COG5: variants seen among roughly 807,000 people sequenced by gnomAD.
COG5 encodes conserved oligomeric Golgi complex subunit 5.
Under a neutral mutation model 110.4 loss-of-function variants are expected in COG5, and 86 were observed. The observed-to-expected ratio is 0.78, with a 90% confidence interval of 0.65 to 0.93. The LOEUF is 0.93. COG5 is among the 40% of genes least tolerant of loss of function. COG5 has a pLI of 0.00. For synonymous variants in COG5, 360 were observed against 334.6 expected (o/e 1.08, Z -0.83); for missense variants, 1,077 against 987.0 (o/e 1.09, Z -1.22).
chr7:107,319,451 C>A (rs1809052508), intron 11 of COG5, among the ~76,000 whole-genome samples: 2 of 152,168 alleles, frequency 1.3e-5, no homozygotes, highest in African/African-American at 4.8e-5. Flanking sequence ...GAATGGCAGA[C>A]TATATATTGA....
intron 20 of COG5, 100 bp downstream of exon 20, chr7:107,210,999 G>C (rs1322379236): frequency 1.5e-6 from 2 of 1,363,600 alleles, no homozygotes; most frequent in Admixed American, 3.4e-5. Flanking sequence ...ACTAAACAAA[G>C]CAGCAGAGGG....
intron 12 of COG5, among the ~76,000 whole-genome samples, chr7:107,289,321 A>G (rs1459252060): frequency 1.3e-5 from 2 of 152,064 alleles, no homozygotes; most frequent in Non-Finnish European, 2.9e-5. Flanking sequence ...ACAACTCACC[A>G]TAGATTTACA....
intron 16 of COG5, among the ~76,000 whole-genome samples, chr7:107,250,870 C>A (rs1430802109): frequency 6.6e-6 from 1 of 151,632 alleles, no homozygotes; most frequent in East Asian, 1.9e-4. Flanking sequence ...AATAATTAAA[C>A]CTAAGAAAAA....
intron 18 of COG5, among the ~76,000 whole-genome samples, chr7:107,231,008 G>A (rs1800739168): frequency 6.6e-6 from 1 of 152,126 alleles, no homozygotes; most frequent in East Asian, 1.9e-4. Context: ...AAGACTGCAT[G>A]CCTATACTTT....
At chr7:107,523,151 T>C (rs538237615) in intron 6 of COG5, among the ~76,000 whole-genome samples, 3 of 152,308 alleles carry the variant, frequency 2.0e-5, no homozygotes, top group African/African-American at 4.8e-5. Context: ...ATGAACAACA[T>C]TGACTGATTG....
chr7:107,503,855 T>C (rs1214196537), intron 6 of COG5, among the ~76,000 whole-genome samples: 1 of 152,210 alleles, frequency 6.6e-6, no homozygotes, highest in Non-Finnish European at 1.5e-5. Context: ...AACCTGAGAC[T>C]TTACTTGTTT....
intron 10 of COG5, among the ~76,000 whole-genome samples, chr7:107,342,745 G>A (rs1811275518): frequency 6.6e-6 from 1 of 152,020 alleles, no homozygotes; most frequent in South Asian, 2.1e-4. Context: ...GCAGAGAAAA[G>A]GGAATGTTTA....
intron 19 of COG5, among the ~76,000 whole-genome samples, chr7:107,219,927 A>G (rs920282024): frequency 1.3e-5 from 2 of 152,236 alleles, no homozygotes; most frequent in African/African-American, 2.4e-5. Flanking sequence ...TTTGTACCCC[A>G]TAAGTGTATA....
chr7:107,455,119 G>C (rs571859451), intron 6 of COG5, among the ~76,000 whole-genome samples: 1 of 152,178 alleles, frequency 6.6e-6, no homozygotes, highest in East Asian at 1.9e-4. Flanking sequence ...ATAAGCTGTC[G>C]TGGTGGATGG....
At chr7:107,266,785 A>G (rs1045100741) in intron 14 of COG5, among the ~76,000 whole-genome samples, 1 of 152,144 alleles carries the variant, frequency 6.6e-6, no homozygotes, top group Non-Finnish European at 1.5e-5. Flanking sequence ...TGTGTGCTTT[A>G]GTATATGGAC....
chr7:107,502,446 T>C (rs1474116199), intron 6 of COG5, among the ~76,000 whole-genome samples: 2 of 152,164 alleles, frequency 1.3e-5, no homozygotes, highest in Admixed American at 6.6e-5. Flanking sequence ...GTGGGTTCCA[T>C]ATCTTTGAAA....
chr7:107,562,634 A>C (rs1348355107), intron 1 of COG5, among the ~76,000 whole-genome samples: 1 of 152,212 alleles, frequency 6.6e-6, no homozygotes, highest in Non-Finnish European at 1.5e-5. Flanking sequence ...TCTAAAGTTT[A>C]AATTCAGTTT....
At chr7:107,337,305 T>C (rs771578821) in intron 10 of COG5, among the ~76,000 whole-genome samples, 1 of 152,228 alleles carries the variant, frequency 6.6e-6, no homozygotes, top group Non-Finnish European at 1.5e-5. Flanking sequence ...TGGGTATTTA[T>C]CTAAAGAAAA....
intron 5 of COG5, among the ~76,000 whole-genome samples, chr7:107,532,081 G>A (rs2520259): frequency 0.41 from 62,294 of 151,832 alleles, 13,232 homozygotes; most frequent in Non-Finnish European, 0.47. Flanking sequence ...TTTTTGAGAC[G>A]GTTTCGCTTT....
In COG5 at chr7:107,362,074, C is replaced by T. The variant is rs1049647952; in HGVS notation, c.985G>A (p.Asp329Asn). The T allele has an allele frequency of 6.2e-7, 1 of 1,609,356 alleles. No individual in the cohort carries two copies. The highest frequency in any genetic ancestry group is 1.1e-5 in the South Asian group (1 of 90,566). The change falls in exon 10 of 22, where the codon GAT becomes AAT. Residue 329 changes from aspartate to asparagine, a missense_variant. Physicochemically the swap from Asp to Asn is conservative, Grantham distance 23 (BLOSUM62 1). Coordinates refer to ENST00000297135, the MANE Select transcript of COG5 (RefSeq NM_006348.5). ...ATGAAACAAATGTGAGAAACAGGATCTCTCTTCTTGGCCAATACTTTTTGT... is the reference window on the plus strand; with the variant it reads ...ATGAAACAAATGTGAGAAACAGGATTTCTCTTCTTGGCCAATACTTTTTGT... ...HLQKVLAKKR[D>N]PVSHICFIEE... is the part of the protein sequence containing the mutation.
chr7:107,264,507 C>T (rs1225155612), intron 14 of COG5, among the ~76,000 whole-genome samples: 3 of 152,010 alleles, frequency 2.0e-5, no homozygotes, highest in Non-Finnish European at 4.4e-5. Flanking sequence ...GCCTGGGTAA[C>T]ATGGCAAAAC....
At chr7:107,309,717 T>C (rs1808047255) in intron 11 of COG5, among the ~76,000 whole-genome samples, 1 of 152,228 alleles carries the variant, frequency 6.6e-6, no homozygotes, top group Non-Finnish European at 1.5e-5. Flanking sequence ...GTCACACATC[T>C]ACATTCACTT....
At chr7:107,238,404 G>A (rs999812267) in intron 17 of COG5, among the ~76,000 whole-genome samples, 6 of 152,046 alleles carry the variant, frequency 3.9e-5, no homozygotes, top group African/African-American at 1.4e-4. Context: ...CTAAATGTTG[G>A]TGGACATTTA....
In COG5 at chr7:107,227,322, T is replaced by TA. The variant is rs201514040; in HGVS notation, c.2168+3292dup. Among the ~76,000 whole-genome samples, 1,406 of 152,256 alleles carry TA rather than the reference T, an allele frequency of 9.2e-3. 20 individuals carry two copies. The highest frequency in any genetic ancestry group is 0.032 in the African/African-American group (1,341 of 41,524). On this transcript the variant is annotated intron_variant, in intron 19 of 21. Coordinates refer to ENST00000297135, the MANE Select transcript of COG5 (RefSeq NM_006348.5). The stretch of plus-strand genomic sequence containing the variant: ...GTGTGTTCATGTGTTTGCATACAAG[T>TA]ATATGCCAAATATCAATAGAAAGTA...
Sources: allele counts gnomAD v4.1 joint callset (sites outside exome capture counted in the v4.1 genomes callset), GRCh38; gene constraint gnomAD v4.1.1; transcripts MANE v1.5; gene names NCBI Gene and HGNC (gene_info 2026-07-23, HGNC 2026-07-21).